SYN3: variants seen among roughly 807,000 people sequenced by gnomAD.
SYN3 encodes the protein synapsin-3.
In SYN3, 35 loss-of-function variants were observed where a neutral mutation model predicts 65.8. The ratio of observed to expected loss-of-function variants is 0.53; its 90% CI spans 0.41 to 0.70. The LOEUF (loss-of-function observed/expected upper bound fraction) is 0.70, where lower values mean the gene tolerates loss of function less well. SYN3 is among the 30% of genes least tolerant of loss of function. SYN3 has a pLI of 0.00. For missense variants in SYN3, 680 were observed against 749.0 expected (o/e 0.91, Z 1.08); for synonymous variants, 270 against 292.9 (o/e 0.92, Z 0.80).
intron 6 of SYN3, among the ~76,000 whole-genome samples, chr22:32,781,068 C>T (rs1460207871): frequency 8.3e-6 from 1 of 120,444 alleles, no homozygotes; most frequent in Non-Finnish European, 1.8e-5. Flanking sequence ...TCCCTTCCTC[C>T]CTCCCTCCCT....
At chr22:32,972,119 T>C (rs1295840739) in intron 3 of SYN3, among the ~76,000 whole-genome samples, 3 of 152,188 alleles carry the variant, frequency 2.0e-5, no homozygotes, top group Non-Finnish European at 2.9e-5. Context: ...AAGTCCTTCA[T>C]TCCTCAATGT....
chr22:32,859,297 C>T lies in SYN3; in HGVS notation c.711+5618G>A, dbSNP rs200592407. Reference sequence around the variant, plus strand: ...CCAGTCCAAACACTACGCCTGCATCCGGCAGAAGGGCGGCTACTGCAGCTG... The same window carrying T: ...CCAGTCCAAACACTACGCCTGCATCTGGCAGAAGGGCGGCTACTGCAGCTG... On this transcript the variant is annotated intron_variant, in intron 6 of 13. Coordinates refer to ENST00000358763, the MANE Select transcript of SYN3 (RefSeq NM_003490.4). 24 of 1,614,152 alleles carry T rather than the reference C, an allele frequency of 1.5e-5. No individual in the cohort carries two copies. Among genetic ancestry groups the T allele is most frequent in the Middle Eastern group, 1.6e-4 (1 of 6,062 alleles).
intron 4 of SYN3, among the ~76,000 whole-genome samples, chr22:32,890,738 C>T (rs971875415): frequency 6.6e-6 from 1 of 152,054 alleles, no homozygotes; most frequent in African/African-American, 2.4e-5. Flanking sequence ...GGGCAAGTTG[C>T]CTGTTTATAT....
At chr22:32,638,700 G>T (rs1175767893) in intron 6 of SYN3, among the ~76,000 whole-genome samples, 4 of 152,090 alleles carry the variant, frequency 2.6e-5, no homozygotes, top group African/African-American at 4.8e-5. Flanking sequence ...ATTCTGTATA[G>T]ATTCCACATA....
intron 6 of SYN3, among the ~76,000 whole-genome samples, chr22:32,604,289 CCTGCCTCCAAGGCT>C (rs1200283640): frequency 6.6e-6 from 1 of 152,220 alleles, no homozygotes. Flanking sequence ...GCCTCCATTT[CCTGCCTCCAAGGCT>C]CTGCCTGATC....
rs141599531 is a variant in SYN3, at chr22:32,649,007, T to G, written c.712-52271A>C. On this transcript the variant is annotated intron_variant, in intron 6 of 13. Transcript: ENST00000358763. Reference sequence around the variant, plus strand: ...AAACAAGTATCTCCTGACCACCTATTACAGTTGATTGTATCATCGTTCCTA... The same window carrying G: ...AAACAAGTATCTCCTGACCACCTATGACAGTTGATTGTATCATCGTTCCTA... Among the ~76,000 whole-genome samples the G allele has an allele frequency of 2.6e-5, 4 of 152,322 alleles. No individual in the cohort carries two copies. In the East Asian group the frequency reaches 5.8e-4, roughly 22 times the overall value.
intron 6 of SYN3, among the ~76,000 whole-genome samples, chr22:32,669,816 C>A (rs2060336893): frequency 6.6e-6 from 1 of 152,204 alleles, no homozygotes; most frequent in African/African-American, 2.4e-5. Context: ...GGGGAGCTGA[C>A]ACATTCTCTC....
At chr22:32,731,037 T>C (rs2061263864) in intron 6 of SYN3, among the ~76,000 whole-genome samples, 1 of 152,182 alleles carries the variant, frequency 6.6e-6, no homozygotes, top group African/African-American at 2.4e-5. Context: ...TCCATGACAC[T>C]CACCCCAGAG....
intron 3 of SYN3, 134 bp downstream of exon 3, chr22:32,980,511 A>T (rs910953062): frequency 1.9e-5 from 15 of 784,932 alleles, no homozygotes; most frequent in Non-Finnish European, 3.0e-5. Context: ...GAGACTCCCA[A>T]GTATAAGCTT....
At chr22:32,684,035 C>T (rs1381547398) in intron 6 of SYN3, among the ~76,000 whole-genome samples, 1 of 152,140 alleles carries the variant, frequency 6.6e-6, no homozygotes, top group African/African-American at 2.4e-5. Context: ...AGGAACAATT[C>T]CTATCCCACC....
At chr22:33,055,170 C>T (rs62232760) in intron 1 of SYN3, among the ~76,000 whole-genome samples, 261 of 152,344 alleles carry the variant, frequency 1.7e-3, no homozygotes, top group Middle Eastern at 6.8e-3. Context: ...GAGTTCTCCT[C>T]CCAGAGGCAT....
chr22:32,688,841 G>A (rs991669123), intron 6 of SYN3, among the ~76,000 whole-genome samples: 4 of 152,084 alleles, frequency 2.6e-5, no homozygotes, highest in Admixed American at 1.3e-4. Flanking sequence ...AGTCCTCAGC[G>A]GGTAAAATAC....
At chr22:32,938,373 C>T (rs930951264) in intron 3 of SYN3, among the ~76,000 whole-genome samples, 11 of 150,500 alleles carry the variant, frequency 7.3e-5, no homozygotes, top group Admixed American at 6.0e-4. Flanking sequence ...CTAAAAAATA[C>T]AAAAAAATTA....
chr22:33,055,424 G>C (rs889904345), intron 1 of SYN3, among the ~76,000 whole-genome samples: 4 of 152,070 alleles, frequency 2.6e-5, no homozygotes, highest in Admixed American at 2.0e-4. Context: ...GGCGTTGCCG[G>C]ATCTTTCTCA....
intron 1 of SYN3, among the ~76,000 whole-genome samples, chr22:33,031,141 G>T (rs554348002): frequency 6.6e-6 from 1 of 152,328 alleles, no homozygotes; most frequent in African/African-American, 2.4e-5. Context: ...CAGCTGGGCA[G>T]TGCTTCTGGT....
rs561723982 is a variant in SYN3, at chr22:32,723,737, T to G, written c.712-127001A>C. ...TCGGCAAAACCTCAAGCTAATGCTT[T>G]TAAGGAACTGGCAGGTTGAAACAGG... is the stretch of plus-strand genomic sequence containing the variant. On this transcript the variant is annotated intron_variant, in intron 6 of 13. Transcript: ENST00000358763. 4.2e-4 allele frequency among the ~76,000 whole-genome samples: 64 copies of G among 152,344 alleles called. 1 individual carries two copies. The highest frequency in any genetic ancestry group is 7.3e-4 in the Non-Finnish European group (50 of 68,032).
intron 3 of SYN3, among the ~76,000 whole-genome samples, chr22:32,949,840 A>T (rs1392957156): frequency 6.6e-6 from 1 of 152,218 alleles, no homozygotes; most frequent in Non-Finnish European, 1.5e-5. Context: ...AAATCGAGAC[A>T]TGGACGTGGA....
chr22:32,838,014 C>T (rs750823510), intron 6 of SYN3, among the ~76,000 whole-genome samples: 22 of 152,324 alleles, frequency 1.4e-4, no homozygotes, highest in Admixed American at 4.6e-4. Context: ...TGTCTCCCTC[C>T]GGCGCCTCCA....
chr22:32,820,458 C>T (rs77446115), intron 6 of SYN3, among the ~76,000 whole-genome samples: 1,789 of 152,084 alleles, frequency 0.012, 38 homozygotes, highest in African/African-American at 0.04. Context: ...CACCTAGGGG[C>T]CTGGAAAACC....
Sources: gnomAD v4.1 joint callset for allele counts (sites outside exome capture counted in the v4.1 genomes callset) on GRCh38, gnomAD v4.1.1 for gene constraint, MANE v1.5 for transcripts, NCBI Gene and HGNC (gene_info 2026-07-23, HGNC 2026-07-21) for gene names.